PRKN: variants seen among roughly 807,000 people sequenced by gnomAD.
PRKN encodes E3 ubiquitin-protein ligase parkin.
Under a neutral mutation model 59.5 loss-of-function variants are expected in PRKN, and 56 were observed. The observed-to-expected ratio is 0.94, with a 90% CI of 0.76 to 1.18. The LOEUF is 1.18. PRKN is among the 50% of genes most tolerant of loss of function. The probability of loss-of-function intolerance (pLI) is 0.00; values close to 1 mark genes in which losing one functional copy is unlikely to be tolerated. For synonymous variants in PRKN, 250 were observed against 222.1 expected (o/e 1.13, Z -1.12); for missense variants, 657 against 596.4 (o/e 1.10, Z -1.06).
At chr6:161,785,746 A>G (rs1034280653) in intron 7 of PRKN, 26 bp downstream of exon 7, 12 of 1,611,382 alleles carry the variant, frequency 7.4e-6, no homozygotes, top group Non-Finnish European at 1.0e-5. Context: ...AGCATTAGAG[A>G]TGGAGAGAAA....
intron 6 of PRKN, among the ~76,000 whole-genome samples, chr6:161,802,993 C>T (rs1056699667): frequency 1.3e-4 from 20 of 152,086 alleles, no homozygotes; most frequent in East Asian, 5.8e-4. Context: ...CTGATCTCCC[C>T]TTTTATACCT....
intron 8 of PRKN, among the ~76,000 whole-genome samples, chr6:161,568,368 C>T (rs900308903): frequency 6.6e-6 from 1 of 152,132 alleles, no homozygotes; most frequent in Non-Finnish European, 1.5e-5. Flanking sequence ...CAGAGGCAGG[C>T]GGATCATGAC....
At chr6:161,523,606 A>G (rs759919782) in intron 9 of PRKN, among the ~76,000 whole-genome samples, 1 of 152,246 alleles carries the variant, frequency 6.6e-6, no homozygotes, top group Non-Finnish European at 1.5e-5. Flanking sequence ...GCTATGTGAC[A>G]GCTCATAAGG....
chr6:162,234,668 G>A (rs1017189752), intron 3 of PRKN, among the ~76,000 whole-genome samples: 3 of 152,132 alleles, frequency 2.0e-5, no homozygotes, highest in African/African-American at 7.2e-5. Flanking sequence ...TTTAAAATTT[G>A]CATTATGTTT....
chr6:162,451,769 T>C (rs866502809), intron 1 of PRKN, among the ~76,000 whole-genome samples: 5 of 151,950 alleles, frequency 3.3e-5, no homozygotes, highest in African/African-American at 9.7e-5. Flanking sequence ...CTAATATATA[T>C]GTTGTTGGAG....
chr6:161,993,611 T>C (rs1346344967), intron 5 of PRKN, among the ~76,000 whole-genome samples: 3 of 152,208 alleles, frequency 2.0e-5, no homozygotes, highest in Admixed American at 6.5e-5. Flanking sequence ...AGCATTACAT[T>C]GATACCAAAA....
At chr6:162,168,442 T>G (rs1783090924) in intron 4 of PRKN, among the ~76,000 whole-genome samples, 1 of 151,760 alleles carries the variant, frequency 6.6e-6, no homozygotes, top group African/African-American at 2.4e-5. Context: ...GAAATCTTAC[T>G]TTTAATATTC....
intron 7 of PRKN, among the ~76,000 whole-genome samples, chr6:161,680,604 C>T: frequency 6.6e-6 from 1 of 151,110 alleles, no homozygotes; most frequent in Non-Finnish European, 1.5e-5. Flanking sequence ...GATTAGAGTG[C>T]AAAGGAGAGC....
chr6:162,100,454 C>CT (rs377594454), intron 4 of PRKN, among the ~76,000 whole-genome samples: 11,821 of 143,818 alleles, frequency 0.082, 594 homozygotes, highest in Non-Finnish European at 0.11. Flanking sequence ...TCTTTCTTGT[C>CT]TTTTTTTTTT....
intron 7 of PRKN, among the ~76,000 whole-genome samples, chr6:161,623,910 C>A (rs1782997791): frequency 6.6e-6 from 1 of 152,158 alleles, no homozygotes; most frequent in South Asian, 2.1e-4. Context: ...ATTGAACTGG[C>A]TAATTTAATG....
rs1219844745 is a variant in PRKN at position 161,742,517 on chromosome 6, T to A, written c.871+43255A>T. 3.3e-5 allele frequency among the ~76,000 whole-genome samples: 5 copies of A among 152,312 alleles called. No individual in the cohort carries two copies. The East Asian group carries it at 5.8e-4, about 18-fold the overall frequency. ...TTCATGACGCTTTCAAAACAATATT[T>A]TAGTCATCTGCCCTGAAACACCTCC... On this transcript the variant is annotated intron_variant, in intron 7 of 11. Coordinates refer to ENST00000366898, the MANE Select transcript of PRKN (RefSeq NM_004562.3).
At chr6:162,476,057 C>CTTTT (rs765988655) in intron 1 of PRKN, among the ~76,000 whole-genome samples, 7 of 113,020 alleles carry the variant, frequency 6.2e-5, no homozygotes, top group Admixed American at 1.9e-4. Context: ...TAACACCACT[C>CTTTT]TTTTTTTTTT....
At chr6:161,885,429 C>T (rs941941159) in intron 6 of PRKN, among the ~76,000 whole-genome samples, 1 of 152,050 alleles carries the variant, frequency 6.6e-6, no homozygotes, top group South Asian at 2.1e-4. Flanking sequence ...CTTTGGGAGG[C>T]CGAGGCGGGC....
intron 10 of PRKN, among the ~76,000 whole-genome samples, chr6:161,366,683 C>T (rs550215020): frequency 2.0e-5 from 3 of 152,232 alleles, no homozygotes; most frequent in East Asian, 1.9e-4. Context: ...CTTGGCCAAT[C>T]CCAGCAGCCA....
At chr6:162,261,195 G>T (rs1350122632) in intron 3 of PRKN, among the ~76,000 whole-genome samples, 5 of 152,138 alleles carry the variant, frequency 3.3e-5, no homozygotes, top group Non-Finnish European at 7.4e-5. Flanking sequence ...CCTCATCCTA[G>T]TAAGGAGAGG....
intron 4 of PRKN, among the ~76,000 whole-genome samples, chr6:162,146,680 T>G (rs1192108989): frequency 1.3e-5 from 2 of 151,924 alleles, no homozygotes; most frequent in African/African-American, 2.4e-5. Context: ...AATTTTTGTG[T>G]TTTTAGTAGA....
intron 2 of PRKN, among the ~76,000 whole-genome samples, chr6:162,440,505 G>A (rs1664995418): frequency 6.6e-6 from 1 of 152,038 alleles, no homozygotes; most frequent in African/African-American, 2.4e-5. Context: ...AGTTTTCCTA[G>A]GACACTCCCA....
Position 162,167,496 on chromosome 6 carries a change from A to G in PRKN, c.534+33635T>C, listed in dbSNP as rs1044766416. Reference sequence around the variant, plus strand: ...GGAAGTCTATCCAAGGAATTGTAACAGAAGGAAAATGAGGGATCTGACTAT... The same window carrying G: ...GGAAGTCTATCCAAGGAATTGTAACGGAAGGAAAATGAGGGATCTGACTAT... On this transcript the variant is annotated intron_variant, in intron 4 of 11. Transcript: ENST00000366898. Among the ~76,000 whole-genome samples, 51 of 152,236 alleles carry G rather than the reference A, an allele frequency of 3.4e-4. 3 individuals carry two copies.
chr6:161,411,970 CCCATTCCTTCCTCAT>C (rs1229331055), intron 9 of PRKN, among the ~76,000 whole-genome samples: 4 of 85,576 alleles, frequency 4.7e-5, no homozygotes, highest in Admixed American at 1.5e-4. Flanking sequence ...TCCTTCCTCA[CCCATTCCTTCCTCAT>C]TCATTCCTTC....
Sources: gnomAD v4.1 joint callset for allele counts (sites outside exome capture counted in the v4.1 genomes callset) on GRCh38, gnomAD v4.1.1 for gene constraint, MANE v1.5 for transcripts, NCBI Gene and HGNC (gene_info 2026-07-23, HGNC 2026-07-21) for gene names.